Variants in CREM observed in about 807,000 individuals in gnomAD.
The protein encoded by CREM is cAMP responsive element modulator, also known as cAMP-responsive element modulator.
A neutral mutation model predicts 37.3 loss-of-function variants in CREM; 13 were observed. That is an observed-to-expected ratio of 0.35 (90% CI 0.23 to 0.55). The LOEUF is 0.55. Among genes scored for constraint, CREM ranks in the 20% least tolerant of loss-of-function variants. The pLI, the probability that CREM is intolerant of heterozygous loss-of-function variation, is 0.88. For synonymous variants in CREM, 124 were observed against 120.2 expected, an observed-to-expected ratio of 1.03 and a Z score of -0.21; for missense variants, 296 against 362.3, an observed-to-expected ratio of 0.82 and a Z score of 1.49.
chr10:35,205,031 AAAT>A (rs1453687717), intron 6 of CREM, among the ~76,000 whole-genome samples: 2 of 152,322 alleles, frequency 1.3e-5, no homozygotes, highest in Non-Finnish European at 2.9e-5. Context: ...ACTTTTTAAA[AAAT>A]CTTTTTTCTT....
At chr10:35,147,004 G>A (rs2092183665) in intron 2 of CREM, among the ~76,000 whole-genome samples, 1 of 147,710 alleles carries the variant, frequency 6.8e-6, no homozygotes, top group East Asian at 2.0e-4. Context: ...CTGAAAAGAT[G>A]TGTAACAGCA....
intron 5 of CREM, among the ~76,000 whole-genome samples, chr10:35,186,968 T>TAA (rs2094592648): frequency 2.1e-5 from 2 of 94,292 alleles, no homozygotes. Flanking sequence ...AATATATAAT[T>TAA]TATATATTAT....
intron 6 of CREM, among the ~76,000 whole-genome samples, chr10:35,195,628 AC>A (rs1176932284): frequency 6.6e-6 from 1 of 152,094 alleles, no homozygotes; most frequent in African/African-American, 2.4e-5. Context: ...TACAGTATAT[AC>A]CGTTCATGTT....
chr10:35,145,013 T>G (rs371808629), intron 2 of CREM, among the ~76,000 whole-genome samples: 1 of 151,530 alleles, frequency 6.6e-6, no homozygotes, highest in East Asian at 1.9e-4. Flanking sequence ...TAAAAAAAAT[T>G]AGCCGGGTGT....
intron 2 of CREM, among the ~76,000 whole-genome samples, chr10:35,147,191 C>T (rs1282089756): frequency 2.0e-5 from 3 of 151,772 alleles, no homozygotes; most frequent in South Asian, 2.1e-4. Flanking sequence ...GCTGGGACTA[C>T]AGGCGCCTAC....
intron 3 of CREM, among the ~76,000 whole-genome samples, chr10:35,165,085 G>GAAAAAAAAAAAA (rs2093483197): frequency 7.3e-6 from 1 of 136,584 alleles, no homozygotes; most frequent in African/African-American, 2.6e-5. Flanking sequence ...AAAAGAAAAG[G>GAAAAAAAAAAAA]AAAAAGAAAT....
chr10:35,211,995 A>G lies in CREM; in HGVS notation c.*597A>G. 2.0e-6 allele frequency: 1 copy of G among 487,872 alleles called. No homozygotes were observed. The highest frequency in any genetic ancestry group is 3.4e-6 in the Non-Finnish European group (1 of 293,268). 30.2% of individuals were successfully genotyped at this position (487,872 alleles called of 1,614,324 possible). On this transcript the variant is annotated 3_prime_UTR_variant, in exon 8 of 8. Coordinates refer to ENST00000685392, the MANE Select transcript of CREM (RefSeq NM_183011.2). ...ACTTCAAATTTTTTAAAAGAGACAAACTGTAAAAAATGTGTGTATTCTTAA... is the reference window on the plus strand; with the variant it reads ...ACTTCAAATTTTTTAAAAGAGACAAGCTGTAAAAAATGTGTGTATTCTTAA...
At chr10:35,145,440 T>C (rs959062579) in intron 2 of CREM, among the ~76,000 whole-genome samples, 1 of 152,158 alleles carries the variant, frequency 6.6e-6, no homozygotes, top group Admixed American at 6.5e-5. Flanking sequence ...TTGGTCATTC[T>C]CTTATGTTTT....
At chr10:35,202,339 A>G (rs1015599667) in intron 6 of CREM, among the ~76,000 whole-genome samples, 3 of 152,232 alleles carry the variant, frequency 2.0e-5, no homozygotes, top group African/African-American at 7.2e-5. Context: ...ATTTGAAGCT[A>G]ACTAAGATAA....
chr10:35,144,897 T>C (rs1263064739), intron 2 of CREM, among the ~76,000 whole-genome samples: 1 of 152,130 alleles, frequency 6.6e-6, no homozygotes, highest in East Asian at 1.9e-4. Flanking sequence ...ATGGTGGCCA[T>C]GCCTGTAATC....
At chr10:35,176,904 G>T (rs1022167833) in intron 3 of CREM, among the ~76,000 whole-genome samples, 26 of 152,170 alleles carry the variant, frequency 1.7e-4, no homozygotes, top group African/African-American at 6.3e-4. Flanking sequence ...ATCCAGAGAT[G>T]TATTTTACCC....
chr10:35,158,989 T>G (rs1289876992), intron 3 of CREM, among the ~76,000 whole-genome samples: 1 of 152,062 alleles, frequency 6.6e-6, no homozygotes, highest in Non-Finnish European at 1.5e-5. Context: ...CAATTTTTTT[T>G]GAAGAAAGAA....
chr10:35,179,288 G>A lies in CREM; in HGVS notation c.409+12G>A. ...CACGGGGCAATACAGTATGTATGCT[G>A]CAATTCGATATGATACAGTGCTAGC... On this transcript the variant is annotated intron_variant, in intron 5 of 7. Coordinates refer to ENST00000685392, the MANE Select transcript of CREM (RefSeq NM_183011.2). 1 of 1,612,918 alleles carries A rather than the reference G, an allele frequency of 6.2e-7. No homozygotes were observed. The highest frequency in any genetic ancestry group is 8.5e-7 in the Non-Finnish European group (1 of 1,179,494).
At chr10:35,148,202 AGGTC>A (rs1411834074) in intron 2 of CREM, among the ~76,000 whole-genome samples, 162 bp from the exon 3 acceptor site, 2 of 152,216 alleles carry the variant, frequency 1.3e-5, no homozygotes, top group Non-Finnish European at 2.9e-5. Context: ...CCATAGCATG[AGGTC>A]ACATGTGGAA....
intron 5 of CREM, among the ~76,000 whole-genome samples, chr10:35,185,067 T>TTCA (rs2094497925): frequency 2.5e-5 from 3 of 119,808 alleles, no homozygotes; most frequent in South Asian, 2.6e-4. Flanking sequence ...TCATTCATTC[T>TTCA]ATTTTTTGAG....
At chr10:35,201,530 G>A in intron 6 of CREM, 1 of 1,551,252 alleles carries the variant, frequency 6.4e-7, no homozygotes, top group Non-Finnish European at 8.7e-7. Context: ...CAAACCCCAT[G>A]CTTTTTCTGC....
chr10:35,144,271 G>A (rs183877139), intron 2 of CREM, among the ~76,000 whole-genome samples: 46 of 152,282 alleles, frequency 3.0e-4, no homozygotes, highest in African/African-American at 1.0e-3. Flanking sequence ...ACGCCTCATG[G>A]TATCCTGACT....
chr10:35,192,709 C>T (rs564939954), intron 6 of CREM, among the ~76,000 whole-genome samples: 33 of 152,050 alleles, frequency 2.2e-4, no homozygotes, highest in African/African-American at 7.9e-4. Context: ...CTCATGACCT[C>T]ATCACCTCTC....
intron 7 of CREM, among the ~76,000 whole-genome samples, chr10:35,208,484 G>T (rs1565013625): frequency 6.6e-6 from 1 of 152,126 alleles, no homozygotes; most frequent in Non-Finnish European, 1.5e-5. Flanking sequence ...AAAAGGAACA[G>T]AATTGTCTTA....
Sources: gnomAD v4.1 joint callset for allele counts (sites outside exome capture counted in the v4.1 genomes callset) on GRCh38, gnomAD v4.1.1 for gene constraint, MANE v1.5 for transcripts, NCBI Gene and HGNC (gene_info 2026-07-23, HGNC 2026-07-21) for gene names.